COL4A6: variants seen among roughly 807,000 people sequenced by gnomAD.
COL4A6 encodes the protein collagen type IV alpha 6 chain, also known as collagen alpha-6(IV) chain.
COL4A6 carries 59 observed loss-of-function variants against 126.7 expected under a neutral mutation model. That is an observed-to-expected ratio of 0.47 (90% CI 0.38 to 0.58). The LOEUF is 0.58. Ranked by LOEUF, COL4A6 falls within the 20% of genes least tolerant of loss-of-function variation. COL4A6 has a pLI of 0.00. For synonymous variants in COL4A6, 547 were observed against 496.6 expected, an observed-to-expected ratio of 1.10 and a Z score of -1.35; for missense variants, 1,285 against 1,337.3, an observed-to-expected ratio of 0.96 and a Z score of 0.61.
At chrX:108,202,839 G>A (rs978404278) in intron 13 of COL4A6, 89 bp downstream of exon 13, 27 of 711,639 alleles carry the variant, frequency 3.8e-5, no homozygotes, top group Non-Finnish European at 5.6e-5. Context: ...CAATATCCAT[G>A]GGAAGAGGTC....
At chrX:108,199,463 T>G (rs753266075) in intron 13 of COL4A6, among the ~76,000 whole-genome samples, 2 of 111,692 alleles carry the variant, frequency 1.8e-5, no homozygotes, top group African/African-American at 6.5e-5. Context: ...ACACATTGAA[T>G]CTGTGCCAAA....
At chrX:108,415,463 T>A (rs1024109768) in intron 2 of COL4A6, among the ~76,000 whole-genome samples, 1 of 112,302 alleles carries the variant, frequency 8.9e-6, no homozygotes, top group Non-Finnish European at 1.9e-5. Flanking sequence ...CTTGTGGCTT[T>A]GTAAATGGTT....
chrX:108,309,409 C>T (rs980311862), intron 3 of COL4A6, among the ~76,000 whole-genome samples: 1 of 110,859 alleles, frequency 9.0e-6, no homozygotes, highest in South Asian at 3.9e-4. Context: ...TTTTCTTCTG[C>T]GTCTGTTTCC....
chrX:108,358,507 G>T (rs2148056280), intron 2 of COL4A6, among the ~76,000 whole-genome samples: 1 of 108,079 alleles, frequency 9.3e-6, no homozygotes, highest in East Asian at 2.9e-4. Flanking sequence ...CAATTCTCCT[G>T]CCTCAGCCTC....
At chrX:108,308,202 T>C (rs1455843028) in intron 3 of COL4A6, among the ~76,000 whole-genome samples, 2 of 111,675 alleles carry the variant, frequency 1.8e-5, no homozygotes, top group African/African-American at 6.5e-5. Context: ...AAATGAGGGC[T>C]CCTCATGAAA....
intron 2 of COL4A6, among the ~76,000 whole-genome samples, chrX:108,395,260 C>T (rs914010306): frequency 9.0e-6 from 1 of 111,714 alleles, no homozygotes; most frequent in African/African-American, 3.3e-5. Context: ...TGTGATCTTC[C>T]ACATGCTACC....
intron 3 of COL4A6, among the ~76,000 whole-genome samples, chrX:108,297,765 G>C (rs1387535932): frequency 9.0e-6 from 1 of 110,606 alleles, no homozygotes. Flanking sequence ...TCTAGAGTGA[G>C]GGGCAACTTA....
intron 3 of COL4A6, among the ~76,000 whole-genome samples, chrX:108,232,858 A>G (rs2036343196): frequency 9.0e-6 from 1 of 111,569 alleles, no homozygotes; most frequent in South Asian, 3.8e-4. Flanking sequence ...CTTTTGGAGA[A>G]AAAACTCGAA....
At chrX:108,414,591 G>A (rs1260010208) in intron 2 of COL4A6, among the ~76,000 whole-genome samples, 1 of 98,696 alleles carries the variant, frequency 1.0e-5, no homozygotes, top group Non-Finnish European at 2.0e-5. Flanking sequence ...ACCAGCCCTG[G>A]CAACATAGCG....
At chrX:108,417,098 T>G (rs1203756406) in intron 2 of COL4A6, among the ~76,000 whole-genome samples, 1 of 111,713 alleles carries the variant, frequency 9.0e-6, no homozygotes, top group Non-Finnish European at 1.9e-5. Context: ...GTACAAATAT[T>G]AGATGCTGAT....
intron 2 of COL4A6, among the ~76,000 whole-genome samples, chrX:108,388,731 T>C (rs1227802946): frequency 9.0e-6 from 1 of 111,705 alleles, no homozygotes; most frequent in Non-Finnish European, 1.9e-5. Flanking sequence ...TCTGCTCTAA[T>C]CTTAGTTATT....
intron 2 of COL4A6, among the ~76,000 whole-genome samples, chrX:108,395,638 T>C (rs1291821244): frequency 8.9e-6 from 1 of 112,214 alleles, no homozygotes; most frequent in Non-Finnish European, 1.9e-5. Context: ...AACTTTTCTA[T>C]GTGCCCTGAA....
Position 108,159,754 on chromosome X carries a change from A to T in COL4A6, c.4526-6T>A. 5.0e-6 allele frequency: 6 copies of T among 1,211,876 alleles called. No individual in the cohort carries two copies. The highest frequency in any genetic ancestry group is 5.6e-6 in the Non-Finnish European group (5 of 895,482). ...CAGACAGGAGCCAGCAAAGCCTGGA[A>T]GGAGAGAAAGTGGGCAAGGGCAGGG... On this transcript the variant is annotated splice_polypyrimidine_tract_variant and splice_region_variant and intron_variant, in intron 43 of 44. Coordinates refer to ENST00000334504, the MANE Select transcript of COL4A6 (RefSeq NM_033641.4).
At chrX:108,176,717 A>T (rs1322208259) in intron 28 of COL4A6, 124 bp downstream of exon 28, 14 of 785,897 alleles carry the variant, frequency 1.8e-5, no homozygotes, top group Non-Finnish European at 2.4e-5. Flanking sequence ...CTATCTTGAC[A>T]CAAAAAGCCC....
intron 2 of COL4A6, among the ~76,000 whole-genome samples, chrX:108,391,543 G>A (rs2040839462): frequency 9.0e-6 from 1 of 111,620 alleles, no homozygotes; most frequent in Non-Finnish European, 1.9e-5. Flanking sequence ...CCCCCACCAA[G>A]CTCCCAGTCG....
Position 108,186,178 on chromosome X carries a change from T to C in COL4A6, c.1951+918A>G, listed in dbSNP as rs2034853524. The stretch of plus-strand genomic sequence containing the variant: ...TAGGGGAGTTACATGATATTGGCAC[T>C]TTACAGATATTAAATTGGCTGCAGT... On this transcript the variant is annotated intron_variant, in intron 23 of 44. Transcript: ENST00000334504. Among the ~76,000 whole-genome samples, 3 of 111,782 alleles carry C rather than the reference T, an allele frequency of 2.7e-5. No individual in the cohort carries two copies. The South Asian group carries it at 1.1e-3, about 42-fold the overall frequency.
chrX:108,192,331 G>A, intron 18 of COL4A6, 142 bp downstream of exon 18: 1 of 428,915 alleles, frequency 2.3e-6, no homozygotes, highest in Admixed American at 3.9e-5. Context: ...TGGGCTGGCA[G>A]TCGGGAACCT....
At chrX:108,186,918 A>G (rs1367463658) in intron 23 of COL4A6, among the ~76,000 whole-genome samples, 178 bp downstream of exon 23, 4 of 111,584 alleles carry the variant, frequency 3.6e-5, no homozygotes, top group African/African-American at 1.3e-4. Context: ...TCTGCCCCCT[A>G]AGCTTACCAC....
intron 2 of COL4A6, among the ~76,000 whole-genome samples, chrX:108,412,611 A>G (rs2041354486): frequency 9.0e-6 from 1 of 111,680 alleles, no homozygotes; most frequent in Non-Finnish European, 1.9e-5. Flanking sequence ...AATTTGACAA[A>G]ATAACTGAAT....
Sources: allele counts gnomAD v4.1 joint callset (sites outside exome capture counted in the v4.1 genomes callset), GRCh38; gene constraint gnomAD v4.1.1; transcripts MANE v1.5; gene names NCBI Gene and HGNC (gene_info 2026-07-23, HGNC 2026-07-21).